Variants in NCALD observed in about 807,000 individuals in gnomAD.
NCALD encodes neurocalcin-delta.
Under a neutral mutation model 18.6 loss-of-function variants are expected in NCALD, and 10 were observed. That is an observed-to-expected ratio of 0.54 (90% CI 0.33 to 0.91). NCALD has a LOEUF of 0.91. NCALD is among the 40% of genes least tolerant of loss of function. NCALD has a pLI of 0.03. For missense variants in NCALD, 184 were observed against 247.6 expected, an observed-to-expected ratio of 0.74 and a Z score of 1.72; for synonymous variants, 88 against 87.4, an observed-to-expected ratio of 1.01 and a Z score of -0.04.
At chr8:101,987,215 AT>A (rs780968588) in intron 2 of NCALD, among the ~76,000 whole-genome samples, 3 of 152,186 alleles carry the variant, frequency 2.0e-5, no homozygotes, top group Non-Finnish European at 1.5e-5. Context: ...CGGGGCGACT[AT>A]TGCCTTTTCT....
intron 2 of NCALD, among the ~76,000 whole-genome samples, chr8:102,003,518 T>C (rs1406420685): frequency 6.6e-6 from 1 of 152,218 alleles, no homozygotes; most frequent in Admixed American, 6.5e-5. Flanking sequence ...GAATCCTCCC[T>C]AACTCATTTT....
chr8:101,909,488 C>T (rs888094654), intron 3 of NCALD, among the ~76,000 whole-genome samples: 2 of 152,214 alleles, frequency 1.3e-5, no homozygotes, highest in Admixed American at 1.3e-4. Context: ...TTCCACACTG[C>T]CTTCTTCAAG....
chr8:101,750,362 C>T (rs917164925), intron 1 of NCALD, among the ~76,000 whole-genome samples: 3 of 152,118 alleles, frequency 2.0e-5, no homozygotes, highest in African/African-American at 7.2e-5. Context: ...GCCTTGAGTC[C>T]AAACCATCCT....
intron 4 of NCALD, among the ~76,000 whole-genome samples, chr8:101,812,853 C>T (rs1182666066): frequency 6.6e-6 from 1 of 152,046 alleles, no homozygotes; most frequent in Admixed American, 6.6e-5. Context: ...CTCTTTTTTC[C>T]TAAGCCAGTT....
chr8:101,804,714 TAATA>T (rs1813034716), intron 4 of NCALD, among the ~76,000 whole-genome samples: 1 of 145,620 alleles, frequency 6.9e-6, no homozygotes, highest in Admixed American at 7.0e-5. Context: ...TAAATAATTA[TAATA>T]AAATATAATG....
At chr8:101,732,753 G>A (rs767151747) in intron 1 of NCALD, among the ~76,000 whole-genome samples, 1 of 151,656 alleles carries the variant, frequency 6.6e-6, no homozygotes, top group Non-Finnish European at 1.5e-5. Context: ...TCAGGCATAC[G>A]CCGCCACACC....
chr8:101,794,880 A>T (rs1168358154), upstream of NCALD, among the ~76,000 whole-genome samples: 1 of 152,206 alleles, frequency 6.6e-6, no homozygotes, highest in Non-Finnish European at 1.5e-5. Context: ...TGTTTGTTTT[A>T]CACTGTAGGG....
chr8:101,704,789 G>A (rs543522760), intron 2 of NCALD, among the ~76,000 whole-genome samples: 6 of 151,710 alleles, frequency 4.0e-5, no homozygotes, highest in East Asian at 1.9e-4. Flanking sequence ...GCATGGTATC[G>A]GGCACCTGTA....
At chr8:101,882,766 A>T (rs1816536330) in intron 4 of NCALD, among the ~76,000 whole-genome samples, 1 of 152,220 alleles carries the variant, frequency 6.6e-6, no homozygotes, top group Non-Finnish European at 1.5e-5. Context: ...GTGTAATTCC[A>T]CTGATGTCAG....
intron 2 of NCALD, among the ~76,000 whole-genome samples, chr8:101,969,876 AGATT>A (rs1482007703): frequency 6.6e-6 from 1 of 152,226 alleles, no homozygotes; most frequent in Admixed American, 6.5e-5. Flanking sequence ...CCAAGCTCTT[AGATT>A]GATTTCAGGC....
intron 2 of NCALD, among the ~76,000 whole-genome samples, chr8:101,700,849 G>T (rs867025007): frequency 9.2e-5 from 14 of 152,158 alleles, no homozygotes; most frequent in African/African-American, 3.4e-4. Context: ...AATGAACGGC[G>T]TCCGAAGTCC....
chr8:101,993,091 C>A (rs926698340), intron 2 of NCALD, among the ~76,000 whole-genome samples: 4 of 146,894 alleles, frequency 2.7e-5, no homozygotes, highest in African/African-American at 1.0e-4. Context: ...AAGGGACAAG[C>A]CCTACTTAGA....
At chr8:101,869,216 A>G (rs73280845) in intron 4 of NCALD, among the ~76,000 whole-genome samples, 2,356 of 152,340 alleles carry the variant, frequency 0.015, 67 homozygotes, top group African/African-American at 0.052. Flanking sequence ...TAAGGATCTC[A>G]GGATGGGAAG....
In NCALD at chr8:102,021,746, C is replaced by T. The variant is rs899887812; in HGVS notation, c.-209-1457G>A. Among the ~76,000 whole-genome samples, 3 of 152,178 alleles carry T rather than the reference C, an allele frequency of 2.0e-5. No homozygotes were observed. The East Asian group carries it at 5.8e-4, about 29-fold the overall frequency. ...ACTACTTTTTTGTCCTATTAAAATA[C>T]CATTTTTAAGGACACAGTTTTTTGA... On this transcript the variant is annotated intron_variant, in intron 1 of 6. Transcript: ENST00000311028.
At chr8:102,085,275 G>A (rs1002388976) in intron 1 of NCALD, among the ~76,000 whole-genome samples, 2 of 152,116 alleles carry the variant, frequency 1.3e-5, no homozygotes, top group African/African-American at 4.8e-5. Context: ...ACCCAATTGT[G>A]AAACAACAAA....
intron 4 of NCALD, among the ~76,000 whole-genome samples, chr8:101,820,262 A>G (rs1586575060): frequency 6.6e-6 from 1 of 152,340 alleles, no homozygotes; most frequent in East Asian, 1.9e-4. Flanking sequence ...TAACATTTTT[A>G]AACCAGGGAC....
chr8:101,828,163 T>C (rs1267253411), intron 4 of NCALD, among the ~76,000 whole-genome samples: 1 of 152,132 alleles, frequency 6.6e-6, no homozygotes, highest in East Asian at 1.9e-4. Flanking sequence ...ATTCAGTCTG[T>C]CCTCCATAAC....
intron 1 of NCALD, among the ~76,000 whole-genome samples, chr8:101,782,602 T>A (rs879110896): frequency 2.6e-5 from 4 of 152,180 alleles, no homozygotes. Flanking sequence ...TTCCCAACCA[T>A]GTTCTTGACT....
At chr8:101,984,194 A>C (rs1820722264) in intron 2 of NCALD, among the ~76,000 whole-genome samples, 1 of 152,234 alleles carries the variant, frequency 6.6e-6, no homozygotes, top group South Asian at 2.1e-4. Flanking sequence ...ACCTTCCTAA[A>C]GATTTTAATG....
Sources: gnomAD v4.1 joint callset for allele counts (sites outside exome capture counted in the v4.1 genomes callset) on GRCh38, gnomAD v4.1.1 for gene constraint, MANE v1.5 for transcripts, NCBI Gene and HGNC (gene_info 2026-07-23, HGNC 2026-07-21) for gene names.